Variants in NFATC1 observed in about 807,000 individuals in gnomAD.
NFATC1 encodes nuclear factor of activated T-cells, cytoplasmic 1.
NFATC1 carries 22 observed loss-of-function variants against 76.0 expected under a neutral mutation model. That is an observed-to-expected ratio of 0.29 (90% CI 0.21 to 0.41). The LOEUF (loss-of-function observed/expected upper bound fraction) is 0.41. Ranked by LOEUF, NFATC1 falls within the 10% of genes least tolerant of loss-of-function variation. The pLI is 1.00. For synonymous variants in NFATC1, 704 were observed against 613.1 expected (o/e 1.15, Z -2.19); for missense variants, 1,357 against 1,337.7 (o/e 1.01, Z -0.23).
chr18:79,501,425 A>T (rs868396485), intron 9 of NFATC1, among the ~76,000 whole-genome samples: 1 of 152,250 alleles, frequency 6.6e-6, no homozygotes, highest in Admixed American at 6.5e-5. Flanking sequence ...ATGAGGAAGG[A>T]TGCAGAGGTG....
intron 6 of NFATC1, among the ~76,000 whole-genome samples, chr18:79,458,321 G>A (rs1041664992): frequency 1.4e-5 from 2 of 145,474 alleles, no homozygotes; most frequent in African/African-American, 2.8e-5. Context: ...AGCAGGGCAC[G>A]AGGATGCTTT....
At position 79,464,668 on chromosome 18, in the gene NFATC1, G is replaced by GTGTGTGTACGTATATATATACACACA. The variant is rs1353196873; in HGVS notation, c.1960-2779_1960-2778insGTGTACGTATATATATACACACATGT. ...TGTGTTTGTGTGTGTGTGTGTGTGT[G>GTGTGTGTACGTATATATATACACACA]TGTATATGTATGTGTATATATATAT... On this transcript the variant is annotated intron_variant, in intron 7 of 9. Coordinates refer to ENST00000427363, the MANE Select transcript of NFATC1 (RefSeq NM_001278669.2). Among the ~76,000 whole-genome samples the GTGTGTGTACGTATATATATACACACA allele has an allele frequency of 2.5e-5, 3 of 117,860 alleles. 1 individual carries two copies. In the South Asian group the frequency reaches 7.5e-4, roughly 29 times the overall value. The allele number at this position is 117,860 out of a possible 152,430, so 77.3% of individuals were successfully genotyped here.
intron 7 of NFATC1, among the ~76,000 whole-genome samples, chr18:79,466,284 A>T (rs925085055): frequency 6.6e-6 from 1 of 152,250 alleles, no homozygotes; most frequent in East Asian, 1.9e-4. Context: ...ATTTTAACAA[A>T]AGAAGTAATA....
chr18:79,396,459 A>C, intron 1 of NFATC1, 108 bp downstream of exon 1: 1 of 618,966 alleles, frequency 1.6e-6, no homozygotes, highest in Non-Finnish European at 2.1e-6. Context: ...GGGCCAGAGA[A>C]CGAGGTCGGC....
intron 9 of NFATC1, among the ~76,000 whole-genome samples, chr18:79,513,265 G>A (rs77285956): frequency 0.031 from 4,784 of 152,308 alleles, 137 homozygotes; most frequent in Non-Finnish European, 0.052. Context: ...CACCTGTAGG[G>A]TCTGCAGGGA....
At chr18:79,472,259 C>T (rs953269634) in intron 8 of NFATC1, among the ~76,000 whole-genome samples, 2 of 152,114 alleles carry the variant, frequency 1.3e-5, no homozygotes, top group Non-Finnish European at 2.9e-5. Flanking sequence ...GCAGCAGAAC[C>T]GGCCCCTCTA....
In NFATC1 at chr18:79,443,069, C is replaced by T. The variant is rs573620860; in HGVS notation, c.1387-5713C>T. On this transcript the variant is annotated intron_variant, in intron 3 of 9. Transcript: ENST00000427363. ...TCAGGACTGAGCCTGTGGCTGAGTG[C>T]AGTTTTTCAGTCGCGGCTGGAAGGT... is the stretch of plus-strand genomic sequence containing the variant. Among the ~76,000 whole-genome samples, 71 of 152,284 alleles carry T rather than the reference C, an allele frequency of 4.7e-4. 1 individual carries two copies. The highest frequency in any genetic ancestry group is 6.8e-4 in the Non-Finnish European group (46 of 68,012).
intron 2 of NFATC1, among the ~76,000 whole-genome samples, chr18:79,426,780 C>T (rs866218518): frequency 3.3e-5 from 5 of 152,244 alleles, no homozygotes; most frequent in East Asian, 1.9e-4. Context: ...TGCAGATTCG[C>T]GGGAAGCTGG....
chr18:79,450,054 A>G (rs1324912521), intron 4 of NFATC1, among the ~76,000 whole-genome samples: 1 of 152,218 alleles, frequency 6.6e-6, no homozygotes, highest in African/African-American at 2.4e-5. Flanking sequence ...CCACAGCCGT[A>G]GTAAACGTCC....
intron 7 of NFATC1, among the ~76,000 whole-genome samples, chr18:79,462,551 G>T (rs571423244): frequency 1.2e-4 from 18 of 152,190 alleles, no homozygotes; most frequent in Middle Eastern, 3.4e-3. Context: ...TGATCCGCCC[G>T]CCTCGGCCTC....
At chr18:79,494,567 C>G (rs377206328) in intron 9 of NFATC1, among the ~76,000 whole-genome samples, 1,965 of 16,880 alleles carry the variant, frequency 0.12, no homozygotes, top group Middle Eastern at 0.2. Flanking sequence ...AACCTGGTAC[C>G]GCCGGGGGAA....
Position 79,411,132 on chromosome 18 carries a change from C to G in NFATC1, c.857C>G (p.Ser286Cys). 4.3e-6 allele frequency: 7 copies of G among 1,612,354 alleles called. No homozygotes were observed. Among genetic ancestry groups the G allele is most frequent in the Non-Finnish European group, 5.9e-6 (7 of 1,179,782 alleles). ...PYSPHHSPTP[S>C]PHGSPRVSVT... ...TCACCCCACCACTCGCCCACGCCGT[C>G]CCCGCACGGCTCCCCGCGGGTCAGC... The change falls in exon 2 of 10, where the codon TCC becomes TGC. Residue 286 changes from serine to cysteine, a missense_variant. Ser to Cys is a moderately radical substitution (Grantham distance 112, BLOSUM62 -1). Coordinates refer to ENST00000427363, the MANE Select transcript of NFATC1 (RefSeq NM_001278669.2).
At chr18:79,520,576 T>TGGGG in intron 9 of NFATC1, among the ~76,000 whole-genome samples, 1 of 108,260 alleles carries the variant, frequency 9.2e-6, no homozygotes, top group East Asian at 3.1e-4. Context: ...TCCGTGTGTG[T>TGGGG]GGGGGCATCC....
intron 6 of NFATC1, among the ~76,000 whole-genome samples, chr18:79,454,882 C>T (rs1009452795): frequency 1.3e-5 from 2 of 152,144 alleles, no homozygotes; most frequent in African/African-American, 4.8e-5. Flanking sequence ...ACACCCCTCC[C>T]CACCTTCACA....
chr18:79,480,935 G>T (rs1252076059), intron 8 of NFATC1, among the ~76,000 whole-genome samples: 2 of 152,230 alleles, frequency 1.3e-5, no homozygotes, highest in Non-Finnish European at 1.5e-5. Context: ...TTCCAGCCAT[G>T]TGCTTTTGCT....
At chr18:79,521,376 G>GGA in intron 9 of NFATC1, among the ~76,000 whole-genome samples, 1 of 127,164 alleles carries the variant, frequency 7.9e-6, no homozygotes, top group Non-Finnish European at 1.7e-5. Context: ...GTGTGTGTGG[G>GGA]GAGCATCCAC....
rs1270270810 is a variant in NFATC1, at chr18:79,524,800, T to TG, written c.2783-2727dup. ...ACGGGCTCTCCCACCGAGGCTCAGG[T>TG]GCTCGTGGGCAGCAAGGGGAAGCCC... On this transcript the variant is annotated intron_variant, in intron 9 of 9. Coordinates refer to ENST00000427363, the MANE Select transcript of NFATC1 (RefSeq NM_001278669.2). This position sits in a 1 kb window ranked among gnomAD's most constrained non-coding sequence, Gnocchi z 7.2. Among the ~76,000 whole-genome samples the TG allele has an allele frequency of 6.6e-6, 1 of 151,948 alleles. No individual in the cohort carries two copies. The highest frequency in any genetic ancestry group is 1.5e-5 in the Non-Finnish European group (1 of 67,942).
At chr18:79,405,632 C>A (rs1385723725) in intron 1 of NFATC1, among the ~76,000 whole-genome samples, 1 of 152,206 alleles carries the variant, frequency 6.6e-6, no homozygotes, top group African/African-American at 2.4e-5. Flanking sequence ...CTAGGAGGAA[C>A]AAGGGAACTT....
chr18:79,451,188 C>G (rs1442171748), intron 5 of NFATC1, 62 bp downstream of exon 5: 4 of 1,534,366 alleles, frequency 2.6e-6, no homozygotes, highest in African/African-American at 1.4e-5. Flanking sequence ...GCTTCACTGT[C>G]TCACCCGCTC....
Sources: allele counts gnomAD v4.1 joint callset (sites outside exome capture counted in the v4.1 genomes callset), GRCh38; gene constraint gnomAD v4.1.1; non-coding constraint Gnocchi (gnomAD v3.1); transcripts MANE v1.5; gene names NCBI Gene and HGNC (gene_info 2026-07-23, HGNC 2026-07-21).